The following PTGFR variants were observed in gnomAD, a reference collection of about 807,000 sequenced individuals.
PTGFR encodes the protein prostaglandin F2-alpha receptor.
In PTGFR, 15 loss-of-function variants were observed where a neutral mutation model predicts 26.2. The observed-to-expected ratio is 0.57, with a 90% CI of 0.38 to 0.88. The LOEUF (loss-of-function observed/expected upper bound fraction) is 0.88, where lower values mean the gene tolerates loss of function less well. PTGFR is among the 40% of genes least tolerant of loss of function. The pLI is 0.00. For missense variants in PTGFR, 369 were observed against 427.2 expected (o/e 0.86, Z 1.20); for synonymous variants, 165 against 151.1 (o/e 1.09, Z -0.68).
At chr1:78,518,239 C>T (rs1650138785) in intron 2 of PTGFR, among the ~76,000 whole-genome samples, 1 of 152,046 alleles carries the variant, frequency 6.6e-6, no homozygotes, top group South Asian at 2.1e-4. Context: ...ATCTATTCTA[C>T]CTGGTTAATA....
At chr1:78,501,510 G>A (rs1330507925) in intron 2 of PTGFR, among the ~76,000 whole-genome samples, 1 of 152,124 alleles carries the variant, frequency 6.6e-6, no homozygotes, top group East Asian at 1.9e-4. Flanking sequence ...ATAGAAGAGT[G>A]AATACAATTG....
rs1221947951 is a variant in PTGFR, at chr1:78,539,959, C to T, written c.*3272C>T. On this transcript the variant is annotated 3_prime_UTR_variant, in exon 3 of 3. Transcript: ENST00000370757. ...GGCAAGTCATAATTTAGATAGAAAT[C>T]TGATTTCCCAAACCTCCAGGTTTAG... 6.6e-6 allele frequency among the ~76,000 whole-genome samples: 1 copy of T among 152,038 alleles called. No homozygotes were observed. Among genetic ancestry groups the T allele is most frequent in the East Asian group, 1.9e-4 (1 of 5,194 alleles).
intron 2 of PTGFR, among the ~76,000 whole-genome samples, chr1:78,533,010 C>T (rs1650560409): frequency 6.6e-6 from 1 of 152,054 alleles, no homozygotes; most frequent in African/African-American, 2.4e-5. Flanking sequence ...AAATGATGCT[C>T]CATTGAGCTT....
chr1:78,499,776 G>A (rs2057423), intron 2 of PTGFR, among the ~76,000 whole-genome samples: 28,060 of 152,072 alleles, frequency 0.18, 3,326 homozygotes, highest in East Asian at 0.55. Context: ...GACATACTAG[G>A]CTTGGTATTT....
chr1:78,492,774 T>A lies in PTGFR; in HGVS notation c.31T>A (p.Ser11Thr). 1 of 1,613,904 alleles carries A rather than the reference T, an allele frequency of 6.2e-7. No homozygotes were observed. The highest frequency in any genetic ancestry group is 8.5e-7 in the Non-Finnish European group (1 of 1,179,906). The change falls in exon 2 of 3, where the codon TCT becomes ACT. Residue 11 changes from serine to threonine, a missense_variant. Coordinates refer to ENST00000370757, the MANE Select transcript of PTGFR (RefSeq NM_000959.4). Reference sequence around the variant, plus strand: ...CATGAACAATTCCAAACAGCTAGTGTCTCCTGCAGCTGCGCTTCTTTCAAA... The same window carrying A: ...CATGAACAATTCCAAACAGCTAGTGACTCCTGCAGCTGCGCTTCTTTCAAA... MSMNNSKQLV[S>T]PAAALLSNTT...
Position 78,539,338 on chromosome 1 carries a change from C to A in PTGFR, c.*2651C>A, listed in dbSNP as rs771580505. The stretch of plus-strand genomic sequence containing the variant: ...TTTGTGCCTACTCTGAGTTTAGAAC[C>A]CAAATAAGAGGACTTGTTAAATATA... On this transcript the variant is annotated 3_prime_UTR_variant, in exon 3 of 3. Transcript: ENST00000370757. 6.6e-6 allele frequency: 1 copy of A among 151,936 alleles called. No individual in the cohort carries two copies. The highest frequency in any genetic ancestry group is 1.5e-5 in the Non-Finnish European group (1 of 67,944). The allele number at this position is 151,936 out of a possible 1,614,324, so 9.4% of individuals were successfully genotyped here. A position where few individuals can be genotyped will look rare whatever the true frequency, so the allele number is the denominator to read the frequency against.
chr1:78,502,744 C>T (rs1649740216), intron 2 of PTGFR, among the ~76,000 whole-genome samples: 1 of 152,110 alleles, frequency 6.6e-6, no homozygotes. Context: ...ATTTGACAAA[C>T]ATTTATTGGG....
rs1262822134 is a variant in PTGFR, at chr1:78,492,758, T to C, written c.15T>C (p.Asn5=). The C allele has an allele frequency of 6.2e-7, 1 of 1,612,676 alleles. No homozygotes were observed. The highest frequency in any genetic ancestry group is 1.3e-5 in the African/African-American group (1 of 74,848). Residue 5 remains asparagine (N), a synonymous_variant, in exon 2 of 3, where the codon AAT becomes AAC. Transcript: ENST00000370757. ...TCTCCACAACAATGTCCATGAACAATTCCAAACAGCTAGTGTCTCCTGCAG... is the reference window on the plus strand; with the variant it reads ...TCTCCACAACAATGTCCATGAACAACTCCAAACAGCTAGTGTCTCCTGCAG... MSMN[N]SKQLVSPAAA... is the part of the protein sequence containing the mutation.
intron 1 of PTGFR, 65 bp from the exon 2 acceptor site, chr1:78,492,607 G>C: frequency 1.2e-6 from 1 of 849,532 alleles, no homozygotes; most frequent in East Asian, 2.7e-5. Flanking sequence ...GCTGGGGCAC[G>C]TCAGTCATAA....
At chr1:78,517,452 G>A (rs942422686) in intron 2 of PTGFR, among the ~76,000 whole-genome samples, 7 of 152,104 alleles carry the variant, frequency 4.6e-5, no homozygotes, top group African/African-American at 1.7e-4. Flanking sequence ...GATTGTGGGT[G>A]GGAATGGGGC....
intron 2 of PTGFR, among the ~76,000 whole-genome samples, chr1:78,529,875 C>T (rs998693900): frequency 3.3e-5 from 5 of 152,096 alleles, no homozygotes; most frequent in African/African-American, 1.2e-4. Flanking sequence ...CTCATAGGAG[C>T]ACAAACCCTA....
chr1:78,505,388 G>T (rs1405597137), intron 2 of PTGFR, among the ~76,000 whole-genome samples: 3 of 152,092 alleles, frequency 2.0e-5, no homozygotes, highest in Non-Finnish European at 4.4e-5. Flanking sequence ...CTCCCAAAGT[G>T]CTGGGATTAC....
At chr1:78,491,334 T>C (rs912658482) in intron 1 of PTGFR, 98 bp downstream of exon 1, 2 of 152,670 alleles carry the variant, frequency 1.3e-5, no homozygotes, top group Non-Finnish European at 1.5e-5. Flanking sequence ...CCACAGCTTC[T>C]GCTGGCTGAG....
intron 2 of PTGFR, among the ~76,000 whole-genome samples, chr1:78,506,586 AT>A (rs1372150510): frequency 1.3e-5 from 2 of 151,846 alleles, no homozygotes; most frequent in African/African-American, 2.4e-5. Context: ...GGTTTGTTTG[AT>A]TTTTTTACCT....
chr1:78,508,805 C>T (rs150250864), intron 2 of PTGFR, among the ~76,000 whole-genome samples: 106 of 152,028 alleles, frequency 7.0e-4, no homozygotes, highest in African/African-American at 1.6e-3. Context: ...TAAATTATAA[C>T]GGCAAGCCTT....
At chr1:78,535,268 T>A (rs184909441) in intron 2 of PTGFR, among the ~76,000 whole-genome samples, 1 of 152,116 alleles carries the variant, frequency 6.6e-6, no homozygotes, top group African/African-American at 2.4e-5. Context: ...AGTGGTTGTA[T>A]CATACGGAAT....
chr1:78,493,022 T>G lies in PTGFR; in HGVS notation c.279T>G (p.Ala93=). The change falls in exon 2 of 3, where the codon GCT becomes GCG. Residue 93 remains alanine (A), a synonymous_variant. Transcript: ENST00000370757. ...GAGCCATAGCAGTATTTGTATATGC[T>G]TCTGATAAAGAATGGATCCGCTTTG... ...INGAIAVFVY[A]SDKEWIRFDQ... 6.2e-7 allele frequency: 1 copy of G among 1,614,260 alleles called. No individual in the cohort carries two copies. The highest frequency in any genetic ancestry group is 2.2e-5 in the East Asian group (1 of 44,880).
chr1:78,496,153 C>G (rs1055900939), intron 2 of PTGFR, among the ~76,000 whole-genome samples: 1 of 152,122 alleles, frequency 6.6e-6, no homozygotes, highest in African/African-American at 2.4e-5. Context: ...ACACAAGTGC[C>G]TTGGGGATTA....
intron 2 of PTGFR, among the ~76,000 whole-genome samples, chr1:78,495,873 A>C (rs1649535448): frequency 6.6e-6 from 1 of 152,260 alleles, no homozygotes; most frequent in South Asian, 2.1e-4. Context: ...TATTGGAAAC[A>C]AAGTTTCACT....
Sources: gnomAD v4.1 joint callset for allele counts (sites outside exome capture counted in the v4.1 genomes callset) on GRCh38, gnomAD v4.1.1 for gene constraint, MANE v1.5 for transcripts, NCBI Gene and HGNC (gene_info 2026-07-23, HGNC 2026-07-21) for gene names.